The following ATP6V1B1 variants were observed in gnomAD, a reference collection of about 807,000 sequenced individuals.
ATP6V1B1 encodes the protein V-type proton ATPase subunit B, kidney isoform.
In ATP6V1B1, 41 loss-of-function variants were observed where a neutral mutation model predicts 62.1. That is an observed-to-expected ratio of 0.66 (90% CI 0.51 to 0.86). The LOEUF (loss-of-function observed/expected upper bound fraction) is 0.86, where lower values mean the gene tolerates loss of function less well. ATP6V1B1 is among the 40% of genes least tolerant of loss of function. ATP6V1B1 has a pLI of 0.00. For synonymous variants in ATP6V1B1, 253 were observed against 273.4 expected, an observed-to-expected ratio of 0.93 and a Z score of 0.74; for missense variants, 651 against 697.5, an observed-to-expected ratio of 0.93 and a Z score of 0.75.
intron 6 of ATP6V1B1, 60 bp downstream of exon 6, chr2:70,960,138 G>A: frequency 1.2e-6 from 2 of 1,606,870 alleles, no homozygotes; most frequent in South Asian, 2.2e-5. Flanking sequence ...GGCTGGGGCT[G>A]CTGGACCAGT....
rs1553420145 is a variant in ATP6V1B1 at position 70,961,679 on chromosome 2, G to A, written c.771G>A (p.Leu257=). ...GGAACGTCTGCCTCTTCCTGAACTT[G>A]GCCAATGACCCCACGTGAGCTTTCC... The part of the protein sequence containing the change: ...TMGNVCLFLN[L]ANDPTIERII... Residue 257 remains leucine (L), a synonymous_variant, in exon 8 of 14, where the codon TTG becomes TTA. Transcript: ENST00000234396. The A allele has an allele frequency of 1.9e-6, 3 of 1,614,196 alleles. No individual in the cohort carries two copies. The highest frequency in any genetic ancestry group is 2.5e-6 in the Non-Finnish European group (3 of 1,180,022).
chr2:70,962,190 G>C (rs1258683572), intron 8 of ATP6V1B1, among the ~76,000 whole-genome samples: 1 of 152,178 alleles, frequency 6.6e-6, no homozygotes, highest in Non-Finnish European at 1.5e-5. Context: ...TGGGAACTGA[G>C]AGTGTCTGAA....
At chr2:70,953,353 T>C (rs1369861753) in intron 2 of ATP6V1B1, among the ~76,000 whole-genome samples, 1 of 152,224 alleles carries the variant, frequency 6.6e-6, no homozygotes, top group Non-Finnish European at 1.5e-5. Flanking sequence ...TGTTCTTTTT[T>C]GTTTTGGTTT....
In ATP6V1B1 at chr2:70,963,682, G is replaced by T. The variant is rs1553420542; in HGVS notation, c.1143+28G>T. On this transcript the variant is annotated intron_variant, in intron 11 of 13. Coordinates refer to ENST00000234396, the MANE Select transcript of ATP6V1B1 (RefSeq NM_001692.4). This position sits in a 1 kb window ranked among gnomAD's most constrained non-coding sequence, Gnocchi z 4.3. ...ACTGCCCTGTCCCTACCCACTTCCT[G>T]CTCTCAGCCCAGAGAAACACTGAGG... The T allele has an allele frequency of 2.5e-6, 4 of 1,602,468 alleles. No homozygotes were observed. In the South Asian group the frequency reaches 4.4e-5, roughly 18 times the overall value.
chr2:70,958,574 C>A, intron 4 of ATP6V1B1, 148 bp downstream of exon 4: 5 of 747,276 alleles, frequency 6.7e-6, no homozygotes, highest in Non-Finnish European at 1.1e-5. Context: ...TGGGGTATGT[C>A]TTCTCTCTGA....
At chr2:70,956,889 T>G (rs1680449537) in intron 2 of ATP6V1B1, among the ~76,000 whole-genome samples, 1 of 152,120 alleles carries the variant, frequency 6.6e-6, no homozygotes, top group Non-Finnish European at 1.5e-5. Flanking sequence ...CTGGCCTATC[T>G]TTTTTATTAT....
In ATP6V1B1 at chr2:70,960,092, G is replaced by C. The variant is rs782280072; in HGVS notation, c.585+14G>C. ...CCCCACAATGAGGTGAGGCCTGCAGGGCCAGCAGGCATGGCTGGGGGAGGG... is the reference window on the plus strand; with the variant it reads ...CCCCACAATGAGGTGAGGCCTGCAGCGCCAGCAGGCATGGCTGGGGGAGGG... On this transcript the variant is annotated intron_variant, in intron 6 of 13. Transcript: ENST00000234396. 3 of 1,613,986 alleles carry C rather than the reference G, an allele frequency of 1.9e-6. No individual in the cohort carries two copies. The highest frequency in any genetic ancestry group is 2.5e-6 in the Non-Finnish European group (3 of 1,179,932).
In ATP6V1B1 at chr2:70,943,650, TC is replaced by T; in HGVS notation, c.119-3del. 6.2e-7 allele frequency: 1 copy of T among 1,613,390 alleles called. No individual in the cohort carries two copies. Among genetic ancestry groups the T allele is most frequent in the Non-Finnish European group, 8.5e-7 (1 of 1,179,732 alleles). ...TGAGACCCCTACTCACCCCCGCCCC[TC>T]CCCCAGCCTACAGGACTGTGTGCAG... is the stretch of plus-strand genomic sequence containing the variant. On this transcript the variant is annotated splice_polypyrimidine_tract_variant and splice_region_variant and intron_variant, in intron 1 of 13. Transcript: ENST00000234396.
At chr2:70,936,124 G>A (rs375604998) in intron 1 of ATP6V1B1, 52 bp downstream of exon 1, 118 of 1,572,374 alleles carry the variant, frequency 7.5e-5, no homozygotes, top group Non-Finnish European at 1.0e-4. Context: ...GAGCTGGGGT[G>A]GGCTGCCAGG....
chr2:70,961,020 G>C lies in ATP6V1B1; in HGVS notation c.685G>C (p.Gly229Arg). The stretch of plus-strand genomic sequence containing the variant: ...CTTCGCCATCGTCTTTGCAGCCATG[G>C]GGGTGAGGAGACTTAGTAGACTGGC... ...DNFAIVFAAM[G>R]VNMETARFFK... The change falls in exon 7 of 14, where the codon GGG becomes CGG. Residue 229 changes from glycine to arginine, a missense_variant and splice_region_variant. Physicochemically the swap from Gly to Arg is moderately radical, Grantham distance 125 (BLOSUM62 -2). Transcript: ENST00000234396. 1 of 1,579,362 alleles carries C rather than the reference G, an allele frequency of 6.3e-7. No homozygotes were observed. Among genetic ancestry groups the C allele is most frequent in the Non-Finnish European group, 8.6e-7 (1 of 1,162,320 alleles).
intron 2 of ATP6V1B1, among the ~76,000 whole-genome samples, chr2:70,949,451 T>C (rs1680269157): frequency 6.6e-6 from 1 of 152,202 alleles, no homozygotes; most frequent in African/African-American, 2.4e-5. Flanking sequence ...GAATTGCTGG[T>C]TCAAGTACTT....
rs1553419784 is a variant in ATP6V1B1 at position 70,960,094 on chromosome 2, C to T, written c.585+16C>T. 6.2e-7 allele frequency: 1 copy of T among 1,613,962 alleles called. No individual in the cohort carries two copies. Among genetic ancestry groups the T allele is most frequent in the Non-Finnish European group, 8.5e-7 (1 of 1,179,916 alleles). On this transcript the variant is annotated intron_variant, in intron 6 of 13. Coordinates refer to ENST00000234396, the MANE Select transcript of ATP6V1B1 (RefSeq NM_001692.4). The stretch of plus-strand genomic sequence containing the variant: ...CCACAATGAGGTGAGGCCTGCAGGG[C>T]CAGCAGGCATGGCTGGGGGAGGGAC...
At position 70,965,330 on chromosome 2, in the gene ATP6V1B1, C is replaced by A; in HGVS notation, c.*209C>A. 10 of 675,144 alleles carry A rather than the reference C, an allele frequency of 1.5e-5. No individual in the cohort carries two copies. The South Asian group carries it at 1.7e-4, about 12-fold the overall frequency. 41.8% of individuals were successfully genotyped at this position (675,144 alleles called of 1,614,324 possible). ...GCCTCCCCCTCGACTCCCGGTGCTG[C>A]GGAAGAACTGAAGGTTGCGATGCCT... On this transcript the variant is annotated 3_prime_UTR_variant, in exon 14 of 14. Coordinates refer to ENST00000234396, the MANE Select transcript of ATP6V1B1 (RefSeq NM_001692.4).
chr2:70,960,910 C>G lies in ATP6V1B1; in HGVS notation c.586-11C>G, dbSNP rs782756599. 1 of 1,602,048 alleles carries G rather than the reference C, an allele frequency of 6.2e-7. No individual in the cohort carries two copies. The highest frequency in any genetic ancestry group is 1.1e-5 in the South Asian group (1 of 88,702). On this transcript the variant is annotated splice_polypyrimidine_tract_variant and intron_variant, in intron 6 of 13. Coordinates refer to ENST00000234396, the MANE Select transcript of ATP6V1B1 (RefSeq NM_001692.4). ...CTCTGACGTCCTCCTGCCCAATCCA[C>G]TCTGCCCTAGATTGCCGCTCAGATC...
chr2:70,957,071 T>C (rs1238300927), intron 2 of ATP6V1B1, among the ~76,000 whole-genome samples: 4 of 150,716 alleles, frequency 2.7e-5, no homozygotes, highest in Non-Finnish European at 5.9e-5. Context: ...ATTATTATGG[T>C]TTAAAAGTTC....
In ATP6V1B1 at chr2:70,963,922, C is replaced by A; in HGVS notation, c.1143+268C>A. On this transcript the variant is annotated intron_variant, in intron 11 of 13. Coordinates refer to ENST00000234396, the MANE Select transcript of ATP6V1B1 (RefSeq NM_001692.4). The surrounding 1 kb of genome is among the most constrained non-coding windows in gnomAD (Gnocchi z 4.3). Reference sequence around the variant, plus strand: ...ATAAAATGGGAATAATCAAATATATCACCCAGACGCATTGTGGAGGATAAA... The same window carrying A: ...ATAAAATGGGAATAATCAAATATATAACCCAGACGCATTGTGGAGGATAAA... 1 of 549,448 alleles carries A rather than the reference C, an allele frequency of 1.8e-6. No individual in the cohort carries two copies. The highest frequency in any genetic ancestry group is 3.3e-6 in the Non-Finnish European group (1 of 304,402). 34.0% of individuals were successfully genotyped at this position (549,448 alleles called of 1,614,324 possible).
At chr2:70,943,863 C>A in intron 2 of ATP6V1B1, 150 bp downstream of exon 2, 1 of 1,291,690 alleles carries the variant, frequency 7.7e-7, no homozygotes, top group Non-Finnish European at 1.1e-6. Context: ...CTCCCACTCT[C>A]CTTCCCTAGC....
At chr2:70,941,672 A>G (rs1045264060) in intron 1 of ATP6V1B1, 2 of 953,298 alleles carry the variant, frequency 2.1e-6, no homozygotes, top group Non-Finnish European at 2.5e-6. Context: ...AGCTTAGTAC[A>G]TAGAAGGCAT....
At chr2:70,953,089 C>T (rs782247856) in intron 2 of ATP6V1B1, among the ~76,000 whole-genome samples, 3 of 152,198 alleles carry the variant, frequency 2.0e-5, no homozygotes, top group African/African-American at 7.2e-5. Context: ...GCCTCAGCTT[C>T]CCCAGTAGCT....
Sources: allele counts gnomAD v4.1 joint callset (sites outside exome capture counted in the v4.1 genomes callset), GRCh38; gene constraint gnomAD v4.1.1; non-coding constraint Gnocchi (gnomAD v3.1); transcripts MANE v1.5; gene names NCBI Gene and HGNC (gene_info 2026-07-23, HGNC 2026-07-21).